PLXDC2: variants seen among roughly 807,000 people sequenced by gnomAD.
PLXDC2 encodes plexin domain-containing protein 2.
Under a neutral mutation model 68.9 loss-of-function variants are expected in PLXDC2, and 40 were observed. The observed-to-expected ratio is 0.58, with a 90% CI of 0.45 to 0.76. PLXDC2 has a LOEUF of 0.76. PLXDC2 is among the 30% of genes least tolerant of loss of function. The pLI is 0.00. For missense variants in PLXDC2, 644 were observed against 661.9 expected (o/e 0.97, Z 0.30); for synonymous variants, 243 against 234.2 (o/e 1.04, Z -0.34).
At chr10:20,249,369 T>C in intron 13 of PLXDC2, among the ~76,000 whole-genome samples, 1 of 152,202 alleles carries the variant, frequency 6.6e-6, no homozygotes, top group East Asian at 1.9e-4. Flanking sequence ...TTACTTAAAA[T>C]AACACACACT....
In PLXDC2 at chr10:20,143,348, A is replaced by G; in HGVS notation, c.595A>G (p.Ile199Val). 1 of 1,613,296 alleles carries G rather than the reference A, an allele frequency of 6.2e-7. No homozygotes were observed. The highest frequency in any genetic ancestry group is 8.5e-7 in the Non-Finnish European group (1 of 1,179,346). Residue 199 changes from isoleucine to valine, a missense_variant, in exon 5 of 14, where the codon ATA becomes GTA. Physicochemically the swap from Ile to Val is conservative, Grantham distance 29. This residue lies in a region of PLXDC2 where 113 missense variants were observed against 167.1 expected (regional missense o/e 0.68). Coordinates refer to ENST00000377252, the MANE Select transcript of PLXDC2 (RefSeq NM_032812.9). ...VHRMLTATQY[I>V]APLMANFDPS... ...TCGAATGCTAACAGCCACACAGTAC[A>G]TAGCACCTTTAATGGCAAATTTCGA...
chr10:20,013,099 A>G (rs1317425125), intron 2 of PLXDC2, among the ~76,000 whole-genome samples: 1 of 152,234 alleles, frequency 6.6e-6, no homozygotes, highest in East Asian at 1.9e-4. Flanking sequence ...AGCTTAAAGA[A>G]CAAAGCTATA....
At chr10:20,228,669 G>A (rs1835318888) in intron 12 of PLXDC2, among the ~76,000 whole-genome samples, 1 of 150,348 alleles carries the variant, frequency 6.7e-6, no homozygotes, top group Non-Finnish European at 1.5e-5. Flanking sequence ...AAAGAAGGAA[G>A]CAGGAAGGAA....
chr10:20,201,548 T>G (rs1391166055), intron 9 of PLXDC2, among the ~76,000 whole-genome samples: 21 of 151,944 alleles, frequency 1.4e-4, no homozygotes, highest in Admixed American at 1.4e-3. Context: ...AATAACAATA[T>G]AACTATTTAA....
At chr10:20,128,984 C>T (rs1286836345) in intron 4 of PLXDC2, among the ~76,000 whole-genome samples, 1 of 152,112 alleles carries the variant, frequency 6.6e-6, no homozygotes, top group African/African-American at 2.4e-5. Flanking sequence ...ATTTCACTTC[C>T]TCCGGATATA....
chr10:19,996,597 A>G (rs1265926870), intron 1 of PLXDC2, among the ~76,000 whole-genome samples: 1 of 150,830 alleles, frequency 6.6e-6, no homozygotes, highest in East Asian at 1.9e-4. Context: ...TAAAACAAAC[A>G]AATAAACAAA....
intron 4 of PLXDC2, among the ~76,000 whole-genome samples, chr10:20,130,618 A>G (rs1163994061): frequency 2.6e-5 from 4 of 152,122 alleles, no homozygotes; most frequent in Non-Finnish European, 1.5e-5. Flanking sequence ...GTGTGATACT[A>G]TATGTGGACT....
intron 6 of PLXDC2, among the ~76,000 whole-genome samples, chr10:20,158,166 A>C (rs1190385413): frequency 6.6e-6 from 1 of 152,150 alleles, no homozygotes; most frequent in Non-Finnish European, 1.5e-5. Context: ...TTGAGGATGA[A>C]TATAAATTTG....
intron 2 of PLXDC2, among the ~76,000 whole-genome samples, chr10:20,037,772 C>T (rs993329555): frequency 6.6e-6 from 1 of 152,120 alleles, no homozygotes; most frequent in Non-Finnish European, 1.5e-5. Flanking sequence ...TCACCCAACT[C>T]GGCATAGCAG....
At chr10:20,030,897 G>A (rs1835491553) in intron 2 of PLXDC2, among the ~76,000 whole-genome samples, 1 of 152,142 alleles carries the variant, frequency 6.6e-6, no homozygotes, top group Non-Finnish European at 1.5e-5. Context: ...TGAAGAAATG[G>A]CTCTTTCAGA....
intron 1 of PLXDC2, among the ~76,000 whole-genome samples, chr10:19,924,031 G>A (rs146751075): frequency 1.7e-3 from 266 of 152,268 alleles, no homozygotes; most frequent in African/African-American, 6.1e-3. Context: ...ACTCCAGCTT[G>A]GGCAGCAGAA....
chr10:20,084,861 C>G (rs536561096), intron 4 of PLXDC2, among the ~76,000 whole-genome samples: 2 of 142,756 alleles, frequency 1.4e-5, no homozygotes, highest in African/African-American at 5.6e-5. Context: ...TGAAGGTGCT[C>G]ACGAAGGCCG....
At chr10:20,078,457 T>G (rs1348542760) in intron 4 of PLXDC2, among the ~76,000 whole-genome samples, 2 of 152,160 alleles carry the variant, frequency 1.3e-5, no homozygotes, top group South Asian at 2.1e-4. Context: ...TTCTATACAG[T>G]TTGAAAAATA....
At chr10:20,239,124 A>G (rs896143542) in intron 12 of PLXDC2, among the ~76,000 whole-genome samples, 23 of 152,172 alleles carry the variant, frequency 1.5e-4, no homozygotes, top group Admixed American at 1.3e-3. Context: ...CTTAACAAAG[A>G]CTAAAGATTT....
intron 3 of PLXDC2, among the ~76,000 whole-genome samples, chr10:20,061,314 A>G (rs536386259): frequency 2.0e-5 from 3 of 152,288 alleles, no homozygotes; most frequent in African/African-American, 7.2e-5. Context: ...TAAACATGAC[A>G]CACTTAAAGA....
At chr10:20,129,221 A>G (rs1288612357) in intron 4 of PLXDC2, among the ~76,000 whole-genome samples, 1 of 151,966 alleles carries the variant, frequency 6.6e-6, no homozygotes, top group Non-Finnish European at 1.5e-5. Flanking sequence ...GCATTTCCTT[A>G]ATTATTAGTG....
At chr10:20,183,454 T>C (rs910273486) in intron 9 of PLXDC2, among the ~76,000 whole-genome samples, 3 of 151,918 alleles carry the variant, frequency 2.0e-5, no homozygotes, top group Non-Finnish European at 4.4e-5. Context: ...TGAAAAGATG[T>C]GAGAAACAAC....
Position 20,283,881 on chromosome 10 carries a change from T to C in PLXDC2, c.*4062T>C, listed in dbSNP as rs548790134. The C allele has an allele frequency of 1.3e-5, 2 of 152,282 alleles. No individual in the cohort carries two copies. The highest frequency in any genetic ancestry group is 4.1e-4 in the South Asian group (2 of 4,834). The allele number at this position is 152,282 out of a possible 1,614,324, so 9.4% of individuals were successfully genotyped here. A position where few individuals can be genotyped will look rare whatever the true frequency, so the allele number is the denominator to read the frequency against. ...TAAACCTTTGCACATGCAGACTATA[T>C]AAAGGGAATAAAATTATTTTAAATT... On this transcript the variant is annotated 3_prime_UTR_variant, in exon 14 of 14. Coordinates refer to ENST00000377252, the MANE Select transcript of PLXDC2 (RefSeq NM_032812.9).
rs566144744 is a variant in PLXDC2 at position 20,286,793 on chromosome 10, C to T, written c.*6974C>T. ...AGGCTGGAGTGCAATGGCGTGATCT[C>T]GTCTCACTGCAACCTCCGCCTCCCA... On this transcript the variant is annotated 3_prime_UTR_variant, in exon 14 of 14. Coordinates refer to ENST00000377252, the MANE Select transcript of PLXDC2 (RefSeq NM_032812.9). 71 of 152,652 alleles carry T rather than the reference C, an allele frequency of 4.7e-4. No individual in the cohort carries two copies. The highest frequency in any genetic ancestry group is 1.4e-3 in the South Asian group (7 of 4,830). 9.5% of individuals were successfully genotyped at this position (152,652 alleles called of 1,614,324 possible).
Sources: gnomAD v4.1 joint callset for allele counts (sites outside exome capture counted in the v4.1 genomes callset) on GRCh38, gnomAD v4.1.1 for gene constraint, gnomAD v4.1.1 regional missense constraint, MANE v1.5 for transcripts, NCBI Gene and HGNC (gene_info 2026-07-23, HGNC 2026-07-21) for gene names.